ZC3H13: variants seen among roughly 807,000 people sequenced by gnomAD.
The protein encoded by ZC3H13 is zinc finger CCCH domain-containing protein 13.
ZC3H13 carries 64 observed loss-of-function variants against 204.1 expected under a neutral mutation model. The ratio of observed to expected loss-of-function variants is 0.31; its 90% CI spans 0.26 to 0.39. The LOEUF is 0.39. Among genes scored for constraint, ZC3H13 ranks in the 10% least tolerant of loss-of-function variants. The pLI, the probability that ZC3H13 is intolerant of heterozygous loss-of-function variation, is 1.00. For synonymous variants in ZC3H13, 667 were observed against 693.7 expected (o/e 0.96, Z 0.60); for missense variants, 1,833 against 2,082.7 (o/e 0.88, Z 2.33).
intron 4 of ZC3H13, among the ~76,000 whole-genome samples, chr13:46,027,062 T>C (rs1342650936): frequency 2.0e-5 from 3 of 152,118 alleles, no homozygotes; most frequent in South Asian, 4.1e-4. Flanking sequence ...AAAGTATCTC[T>C]AAGAACAAAG....
In ZC3H13 at chr13:45,967,710, T is replaced by C. The variant is rs1012479838; in HGVS notation, c.4115A>G (p.Asp1372Gly). 1.9e-6 allele frequency: 3 copies of C among 1,613,472 alleles called. No individual in the cohort carries two copies. The highest frequency in any genetic ancestry group is 2.5e-6 in the Non-Finnish European group (3 of 1,179,974). The change falls in exon 15 of 19, where the codon GAC becomes GGC. Residue 1372 changes from aspartate (D) to glycine (G), a missense_variant. Coordinates refer to ENST00000679008, the MANE Select transcript of ZC3H13 (RefSeq NM_001330564.2). ...LISDSVERDR[D>G]RDRDRTFESS... ...CTCAAAAGTTCTGTCTCTGTCTCTGTCCCTGTCCCTTTCAACAGAATCAGA... is the reference window on the plus strand; with the variant it reads ...CTCAAAAGTTCTGTCTCTGTCTCTGCCCCTGTCCCTTTCAACAGAATCAGA...
Position 45,986,322 on chromosome 13 carries a change from G to A in ZC3H13, c.1256-561C>T, listed in dbSNP as rs1419375784. On this transcript the variant is annotated intron_variant, in intron 9 of 18. Transcript: ENST00000679008. ...TTAGAGCATTTTCTAGCTGGGTGAC[G>A]TGGCATGTACCTACAGTGCCAGCTA... Among the ~76,000 whole-genome samples, 8 of 152,166 alleles carry A rather than the reference G, an allele frequency of 5.3e-5. No individual in the cohort carries two copies. The South Asian group carries it at 6.2e-4, about 12-fold the overall frequency.
In ZC3H13 at chr13:46,052,470, G is replaced by A. The variant is rs926711824; in HGVS notation, c.-76C>T. ...CACCGCCGCCGCCGCTCCGAGGAGC[G>A]GGGGAGGCGACTCTGTCCCCGCGCC... On this transcript the variant is annotated 5_prime_UTR_variant, in exon 1 of 19. Coordinates refer to ENST00000679008, the MANE Select transcript of ZC3H13 (RefSeq NM_001330564.2). 7 of 398,094 alleles carry A rather than the reference G, an allele frequency of 1.8e-5. No homozygotes were observed. The highest frequency in any genetic ancestry group is 1.1e-4 in the East Asian group (3 of 28,036). The allele number at this position is 398,094 out of a possible 1,614,324, so 24.7% of individuals were successfully genotyped here.
chr13:46,045,469 G>A lies in ZC3H13; in HGVS notation c.39C>T (p.Thr13=), dbSNP rs2043884993. 6.2e-7 allele frequency: 1 copy of A among 1,613,818 alleles called. No homozygotes were observed. The highest frequency in any genetic ancestry group is 1.7e-5 in the Admixed American group (1 of 59,976). Residue 13 remains threonine, a synonymous_variant, in exon 2 of 19, where the codon ACC becomes ACT. Coordinates refer to ENST00000679008, the MANE Select transcript of ZC3H13 (RefSeq NM_001330564.2). ...GGGATGTGCTATCAGATATAGTCTT[G>A]GTATTTTCCACTGTGACCTTCCTTC... is the stretch of plus-strand genomic sequence containing the variant. ...KIRRKVTVEN[T]KTISDSTSRR...
intron 11 of ZC3H13, among the ~76,000 whole-genome samples, chr13:45,976,685 G>C (rs1016621632): frequency 3.9e-5 from 6 of 152,048 alleles, no homozygotes; most frequent in African/African-American, 1.4e-4. Flanking sequence ...AAATTAGTCT[G>C]GGATAAAAAA....
chr13:45,969,597 CTA>C lies in ZC3H13; in HGVS notation c.2945_2946del (p.Ile982ArgfsTer5). The C allele has an allele frequency of 6.2e-7, 1 of 1,611,220 alleles. No homozygotes were observed. The highest frequency in any genetic ancestry group is 8.5e-7 in the Non-Finnish European group (1 of 1,179,450). ...ACTTGACCATCTTCAGATGTTGTCT[CTA>C]TGTTACCCCTCTCTATTCCAACATC... ...EDDVGIERGN[I>X]ETTSEDGQVF... On this transcript the variant is annotated frameshift_variant, in exon 14 of 19. Coordinates refer to ENST00000679008, the MANE Select transcript of ZC3H13 (RefSeq NM_001330564.2). LOFTEE classifies it high-confidence loss of function.
rs1166500870 is a variant in ZC3H13 at position 45,957,271 on chromosome 13, A to G, written c.4866T>C (p.Ser1622=). The G allele has an allele frequency of 3.2e-6, 5 of 1,542,776 alleles. No individual in the cohort carries two copies. In the Admixed American group the frequency reaches 7.9e-5, roughly 25 times the overall value. ...EKGTIKQAYT[S]APMVDNELLR... ...GTAATTCATTGTCTACCATTGGAGC[A>G]CTCGTGTAAGCTTGTTTTATGGTGC... The change falls in exon 19 of 19, where the codon AGT becomes AGC. Residue 1622 remains serine (S), a synonymous_variant. Transcript: ENST00000679008.
At chr13:45,978,167 TG>T (rs1217141525) in intron 11 of ZC3H13, among the ~76,000 whole-genome samples, 2 of 152,076 alleles carry the variant, frequency 1.3e-5, no homozygotes, top group African/African-American at 4.8e-5. Flanking sequence ...TTTGCTCCTT[TG>T]TCTTCTCACA....
In ZC3H13 at chr13:45,959,582, T is replaced by A. The variant is rs1436372640; in HGVS notation, c.4740A>T (p.Glu1580Asp). 2.6e-6 allele frequency: 4 copies of A among 1,549,388 alleles called. No individual in the cohort carries two copies. The East Asian group carries it at 9.8e-5, about 38-fold the overall frequency. ...ALNMAALLRKEERASLLSNLG... is the reference protein window; with the variant it reads ...ALNMAALLRKDERASLLSNLG... ...GATTACTAAGAAGACTTGCTCTTTC[T>A]TCTTTTCGTAGTAATGCAGCCATAT... Residue 1580 changes from glutamate (E) to aspartate (D), a missense_variant, in exon 18 of 19, where the codon GAA becomes GAT. Around this residue, in one of 5 missense-constraint regions of ZC3H13, gnomAD observed 211 missense variants for 228.4 expected, o/e 0.92. Coordinates refer to ENST00000679008, the MANE Select transcript of ZC3H13 (RefSeq NM_001330564.2).
chr13:45,983,489 C>CTA (rs1196653764), intron 10 of ZC3H13, among the ~76,000 whole-genome samples: 1 of 121,566 alleles, frequency 8.2e-6, no homozygotes, highest in Non-Finnish European at 1.6e-5. Context: ...TGCAGTGGCG[C>CTA]TATCCCGGCT....
intron 7 of ZC3H13, among the ~76,000 whole-genome samples, chr13:46,004,125 T>C (rs751398758): frequency 5.1e-5 from 7 of 138,552 alleles, no homozygotes; most frequent in South Asian, 2.4e-4. Context: ...TCTCTCATCA[T>C]TGGAAATGGT....
intron 5 of ZC3H13, among the ~76,000 whole-genome samples, chr13:46,013,126 T>C (rs768864226): frequency 6.6e-6 from 1 of 152,078 alleles, no homozygotes; most frequent in Non-Finnish European, 1.5e-5. Flanking sequence ...AAAATATATG[T>C]GTAAGTCAGC....
In ZC3H13 at chr13:46,011,609, A is replaced by C. The variant is rs73480519; in HGVS notation, c.449-55T>G. 4.7e-3 allele frequency: 6,552 copies of C among 1,392,984 alleles called. 260 individuals are homozygous for C. The African/African-American group carries it at 0.085, about 18-fold the overall frequency. The allele number at this position is 1,392,984 out of a possible 1,614,324, so 86.3% of individuals were successfully genotyped here. On this transcript the variant is annotated intron_variant, in intron 5 of 18. Transcript: ENST00000679008. Reference sequence around the variant, plus strand: ...AACTAGCATAATTATCTATGCCAAAAATCATACAGACTTTTTTCAACTAAT... The same window carrying C: ...AACTAGCATAATTATCTATGCCAAACATCATACAGACTTTTTTCAACTAAT...
intron 4 of ZC3H13, among the ~76,000 whole-genome samples, chr13:46,033,617 C>T (rs1449934684): frequency 6.6e-6 from 1 of 152,046 alleles, no homozygotes; most frequent in Non-Finnish European, 1.5e-5. Flanking sequence ...CCTAGGTATG[C>T]CTAATGAAAA....
chr13:45,989,200 A>G, intron 8 of ZC3H13, 103 bp from the exon 9 acceptor site: 1 of 1,115,456 alleles, frequency 9.0e-7, no homozygotes, highest in Non-Finnish European at 1.3e-6. Context: ...AGTATAGACA[A>G]TAACTTCAGA....
intron 14 of ZC3H13, among the ~76,000 whole-genome samples, chr13:45,968,519 T>G (rs1331868522): frequency 1.3e-5 from 2 of 152,134 alleles, no homozygotes; most frequent in Non-Finnish European, 2.9e-5. Flanking sequence ...ACTACTAAAA[T>G]CCTGATATTA....
At position 45,964,046 on chromosome 13, in the gene ZC3H13, T is replaced by C. The variant is rs1438732418; in HGVS notation, c.4475-4A>G. On this transcript the variant is annotated splice_region_variant and splice_polypyrimidine_tract_variant and intron_variant, in intron 16 of 18. Transcript: ENST00000679008. ...ACATCTATCACATCTAAGGGATCTGTAAAAAGTTAAAAAGTAAGATTTGTT... is the reference window on the plus strand; with the variant it reads ...ACATCTATCACATCTAAGGGATCTGCAAAAAGTTAAAAAGTAAGATTTGTT... The C allele has an allele frequency of 4.4e-6, 7 of 1,603,130 alleles. No individual in the cohort carries two copies. The African/African-American group carries it at 6.7e-5, about 15-fold the overall frequency.
chr13:46,044,601 T>G (rs2043817822), intron 3 of ZC3H13, among the ~76,000 whole-genome samples: 4 of 152,138 alleles, frequency 2.6e-5, no homozygotes, highest in Admixed American at 2.0e-4. Flanking sequence ...AATTTTACTA[T>G]TTTAAGAGTT....
intron 8 of ZC3H13, among the ~76,000 whole-genome samples, chr13:45,989,373 T>C (rs1424815535): frequency 6.6e-6 from 1 of 152,184 alleles, no homozygotes; most frequent in Non-Finnish European, 1.5e-5. Context: ...ACATACACCA[T>C]CTACCCTAAC....
Sources: allele counts gnomAD v4.1 joint callset (sites outside exome capture counted in the v4.1 genomes callset), GRCh38; gene constraint gnomAD v4.1.1; regional missense constraint gnomAD v4.1.1; transcripts MANE v1.5; gene names NCBI Gene and HGNC (gene_info 2026-07-23, HGNC 2026-07-21).